Variants in ITPR1 observed in about 807,000 individuals in gnomAD.
ITPR1 encodes inositol 1,4,5-trisphosphate receptor type 1.
In ITPR1, 96 loss-of-function variants were observed where a neutral mutation model predicts 318.4. The observed-to-expected ratio is 0.30, with a 90% CI of 0.26 to 0.36. ITPR1 has a LOEUF of 0.36. ITPR1 is among the 10% of genes least tolerant of loss of function. The pLI is 1.00. For missense variants in ITPR1, 2,440 were observed against 3,460.2 expected, an observed-to-expected ratio of 0.71 and a Z score of 7.40; for synonymous variants, 1,312 against 1,289.9, an observed-to-expected ratio of 1.02 and a Z score of -0.37.
At chr3:4,846,033 G>A in intron 61 of ITPR1, 106 bp from the exon 62 acceptor site, 1 of 592,504 alleles carries the variant, frequency 1.7e-6, no homozygotes, top group East Asian at 3.0e-5. Flanking sequence ...TGTAGAAAGT[G>A]GGTTTCAGTA....
chr3:4,493,914 G>T (rs1410316923), intron 1 of ITPR1, among the ~76,000 whole-genome samples: 1 of 148,956 alleles, frequency 6.7e-6, no homozygotes, highest in Non-Finnish European at 1.5e-5. Context: ...TTGAAGAGAG[G>T]TTGTGGGGGT....
At position 4,768,754 on chromosome 3, in the gene ITPR1, G is replaced by A. The variant is rs1463345799; in HGVS notation, c.5969G>A (p.Arg1990Gln). ...FLQLLCENHNRDLQNFLRCQN... is the reference protein window; with the variant it reads ...FLQLLCENHNQDLQNFLRCQN... ...CAGCTCCTGTGTGAAAACCACAACC[G>A]AGACCTGCAGGTGAGGGCCTGGGGG... is the stretch of plus-strand genomic sequence containing the variant. Residue 1990 changes from arginine (R) to glutamine (Q), a missense_variant, in exon 46 of 62, where the codon CGA (arginine) becomes CAA (glutamine). By Grantham distance (43) the Arg-to-Gln change is conservative (BLOSUM62 1). Transcript: ENST00000649015. 6.8e-6 allele frequency: 11 copies of A among 1,611,204 alleles called. No individual in the cohort carries two copies. The highest frequency in any genetic ancestry group is 2.2e-5 in the East Asian group (1 of 44,830).
intron 44 of ITPR1, among the ~76,000 whole-genome samples, chr3:4,736,389 T>A (rs1394489843): frequency 6.6e-6 from 1 of 152,244 alleles, no homozygotes; most frequent in African/African-American, 2.4e-5. Flanking sequence ...CCGGCCAGGG[T>A]GCCTGGCTTG....
At chr3:4,729,547 C>G (rs919043484) in intron 42 of ITPR1, among the ~76,000 whole-genome samples, 1 of 152,216 alleles carries the variant, frequency 6.6e-6, no homozygotes, top group Admixed American at 6.5e-5. Context: ...TCAGTTCTCT[C>G]TCTCCTTTGT....
intron 60 of ITPR1, among the ~76,000 whole-genome samples, chr3:4,819,133 A>T (rs2049508616): frequency 6.6e-6 from 1 of 152,198 alleles, no homozygotes; most frequent in Non-Finnish European, 1.5e-5. Context: ...TTTTATGTAA[A>T]GATACTGGAA....
intron 4 of ITPR1, among the ~76,000 whole-genome samples, chr3:4,591,519 A>C (rs1042902416): frequency 6.6e-6 from 1 of 152,248 alleles, no homozygotes; most frequent in South Asian, 2.1e-4. Context: ...GCCTGGTTCA[A>C]CTTTGATTCA....
intron 46 of ITPR1, among the ~76,000 whole-genome samples, chr3:4,769,541 A>G (rs1334855461): frequency 1.3e-5 from 2 of 152,246 alleles, no homozygotes; most frequent in Non-Finnish European, 2.9e-5. Context: ...GAGGTGCTCA[A>G]AAATATTTGC....
intron 4 of ITPR1, among the ~76,000 whole-genome samples, chr3:4,624,163 G>T (rs1243257035): frequency 6.6e-6 from 1 of 152,140 alleles, no homozygotes; most frequent in South Asian, 2.1e-4. Flanking sequence ...ATACCACTTA[G>T]TGTCATCATA....
intron 2 of ITPR1, among the ~76,000 whole-genome samples, chr3:4,508,452 A>G (rs905239316): frequency 6.4e-5 from 9 of 141,098 alleles, no homozygotes; most frequent in African/African-American, 2.4e-4. Flanking sequence ...GGCGAAAATC[A>G]AGGTTTTTTT....
intron 52 of ITPR1, among the ~76,000 whole-genome samples, chr3:4,792,324 G>C (rs1172411778): frequency 1.3e-5 from 2 of 152,194 alleles, no homozygotes. Flanking sequence ...CATGTTGGAG[G>C]GGGGCACGTT....
intron 59 of ITPR1, among the ~76,000 whole-genome samples, chr3:4,817,238 A>G (rs1163023408): frequency 1.3e-5 from 2 of 152,214 alleles, no homozygotes; most frequent in African/African-American, 4.8e-5. Flanking sequence ...TTACTGGAGA[A>G]AGGTATTTAG....
At chr3:4,841,095 G>T (rs866766740) in intron 61 of ITPR1, among the ~76,000 whole-genome samples, 1 of 152,100 alleles carries the variant, frequency 6.6e-6, no homozygotes, top group African/African-American at 2.4e-5. Flanking sequence ...AATATTAAAC[G>T]ACCCGTACTG....
intron 10 of ITPR1, among the ~76,000 whole-genome samples, chr3:4,647,942 G>A (rs1271754775): frequency 1.3e-5 from 2 of 151,756 alleles, no homozygotes; most frequent in Non-Finnish European, 2.9e-5. Flanking sequence ...ACCTGAGGTC[G>A]GGAGTTTGAA....
chr3:4,678,311 A>AT (rs1239512436), intron 24 of ITPR1, among the ~76,000 whole-genome samples: 3 of 151,740 alleles, frequency 2.0e-5, no homozygotes, highest in Non-Finnish European at 2.9e-5. Flanking sequence ...TTTATTTTCA[A>AT]TTTTTTTTGT....
intron 48 of ITPR1, among the ~76,000 whole-genome samples, chr3:4,777,954 C>T (rs2046584280): frequency 6.6e-6 from 1 of 152,180 alleles, no homozygotes; most frequent in Non-Finnish European, 1.5e-5. Flanking sequence ...CTGAGTTTCT[C>T]TGTATTGTGT....
intron 44 of ITPR1, chr3:4,750,332 T>C (rs753768424): frequency 1.3e-5 from 2 of 152,090 alleles, no homozygotes; most frequent in African/African-American, 2.4e-5. Context: ...GAAATCTATA[T>C]CCTGCTGTTT....
At chr3:4,625,701 C>A (rs538104368) in intron 4 of ITPR1, among the ~76,000 whole-genome samples, 1 of 152,046 alleles carries the variant, frequency 6.6e-6, no homozygotes. Flanking sequence ...GGACTACAGG[C>A]GCCCGCCACC....
intron 4 of ITPR1, among the ~76,000 whole-genome samples, chr3:4,595,599 G>A (rs1268472419): frequency 4.6e-5 from 7 of 152,100 alleles, no homozygotes; most frequent in Admixed American, 3.9e-4. Context: ...GTTAATTTTG[G>A]CCATTTTATG....
At chr3:4,732,981 G>T in intron 42 of ITPR1, 107 bp from the exon 43 acceptor site, 1 of 1,114,558 alleles carries the variant, frequency 9.0e-7, no homozygotes, top group Non-Finnish European at 1.3e-6. Context: ...CTTTCGCCAA[G>T]TGAAACTGGG....
Sources: allele counts gnomAD v4.1 joint callset (sites outside exome capture counted in the v4.1 genomes callset), GRCh38; gene constraint gnomAD v4.1.1; transcripts MANE v1.5; gene names NCBI Gene and HGNC (gene_info 2026-07-23, HGNC 2026-07-21).